ABCA13: variants seen among roughly 807,000 people sequenced by gnomAD.
The protein encoded by ABCA13 is ATP-binding cassette sub-family A member 13.
A neutral mutation model predicts 478.7 loss-of-function variants in ABCA13; 476 were observed. The observed-to-expected ratio is 0.99, with a 90% CI of 0.92 to 1.07. The LOEUF (loss-of-function observed/expected upper bound fraction) is 1.07, where lower values mean the gene tolerates loss of function less well. Among genes scored for constraint, ABCA13 ranks in the 50% least tolerant of loss-of-function variants. The pLI is 0.00. For synonymous variants in ABCA13, 2,252 were observed against 2,158.9 expected (o/e 1.04, Z -1.20); for missense variants, 6,060 against 5,910.6 (o/e 1.03, Z -0.83).
At chr7:48,488,592 T>C (rs1563339914) in intron 47 of ABCA13, among the ~76,000 whole-genome samples, 1 of 152,214 alleles carries the variant, frequency 6.6e-6, no homozygotes, top group Non-Finnish European at 1.5e-5. Flanking sequence ...GGAGTCATCA[T>C]ACTTCTTGAA....
In ABCA13 at chr7:48,350,945, CATAAA is replaced by C; in HGVS notation, c.10381+132_10381+136del. The C allele has an allele frequency of 8.9e-6, 9 of 1,012,914 alleles. No homozygotes were observed. The South Asian group carries it at 1.6e-4, about 18-fold the overall frequency. The allele number at this position is 1,012,914 out of a possible 1,614,324, so 62.7% of individuals were successfully genotyped here. A position where few individuals can be genotyped will look rare whatever the true frequency, so the allele number is the denominator to read the frequency against. ...GAAAAGAAGTCCTTTCCAGATAAAA[CATAAA>C]ATAAAGCAGAACTGTTTACCTTGGA... On this transcript the variant is annotated intron_variant, in intron 30 of 61. Coordinates refer to ENST00000435803, the MANE Select transcript of ABCA13 (RefSeq NM_152701.5).
intron 15 of ABCA13, among the ~76,000 whole-genome samples, chr7:48,265,801 T>C (rs1794795934): frequency 1.3e-5 from 2 of 151,680 alleles, no homozygotes. Context: ...TAATATGGAA[T>C]AGAAATGATG....
chr7:48,418,989 T>C (rs1395519023), intron 41 of ABCA13, among the ~76,000 whole-genome samples: 2 of 152,142 alleles, frequency 1.3e-5, no homozygotes, highest in African/African-American at 4.8e-5. Flanking sequence ...CTTCTGGGGA[T>C]GGAAGGTGGA....
chr7:48,620,046 T>C (rs1011100706), intron 59 of ABCA13, among the ~76,000 whole-genome samples: 3 of 152,084 alleles, frequency 2.0e-5, no homozygotes, highest in African/African-American at 7.2e-5. Context: ...CAGGAGGCAT[T>C]TGCGGGCCTA....
At chr7:48,338,538 C>A (rs1379421856) in intron 29 of ABCA13, 83 bp downstream of exon 29, 5 of 993,248 alleles carry the variant, frequency 5.0e-6, no homozygotes, top group Non-Finnish European at 7.2e-6. Flanking sequence ...TGGGCCATGG[C>A]ATTGCTAGGT....
intron 57 of ABCA13, among the ~76,000 whole-genome samples, chr7:48,588,447 G>T (rs749378387): frequency 6.6e-6 from 1 of 152,184 alleles, no homozygotes; most frequent in Non-Finnish European, 1.5e-5. Flanking sequence ...CTGTAGCCAT[G>T]ACCTGCTCAC....
At chr7:48,518,741 T>G (rs988036136) in intron 52 of ABCA13, among the ~76,000 whole-genome samples, 3 of 152,184 alleles carry the variant, frequency 2.0e-5, no homozygotes, top group Admixed American at 6.6e-5. Flanking sequence ...GTAGCATTAA[T>G]TCTTATAGAA....
chr7:48,355,359 C>G (rs955060704), intron 31 of ABCA13, among the ~76,000 whole-genome samples: 2 of 151,784 alleles, frequency 1.3e-5, no homozygotes, highest in African/African-American at 4.9e-5. Context: ...TAGGAGTGGC[C>G]TAGGGTATGT....
intron 51 of ABCA13, among the ~76,000 whole-genome samples, chr7:48,513,944 A>C (rs1352319987): frequency 6.6e-6 from 1 of 152,164 alleles, no homozygotes; most frequent in Admixed American, 6.6e-5. Flanking sequence ...TTCATTTAGG[A>C]CAATGTCTCT....
intron 56 of ABCA13, among the ~76,000 whole-genome samples, chr7:48,583,040 A>G (rs1788852247): frequency 6.6e-6 from 1 of 152,208 alleles, no homozygotes; most frequent in Non-Finnish European, 1.5e-5. Context: ...GTGTCATACC[A>G]TAACAAACAA....
At chr7:48,468,509 A>G (rs1827135665) in intron 44 of ABCA13, among the ~76,000 whole-genome samples, 1 of 152,248 alleles carries the variant, frequency 6.6e-6, no homozygotes, top group Non-Finnish European at 1.5e-5. Context: ...GAGGAGAGGT[A>G]CATGAAAAGA....
At chr7:48,367,772 T>G in intron 31 of ABCA13, 22 bp from the exon 32 acceptor site, 1 of 1,531,852 alleles carries the variant, frequency 6.5e-7, no homozygotes, top group Non-Finnish European at 8.9e-7. Context: ...CTCCGGATGC[T>G]GACTGAATTA....
intron 1 of ABCA13, among the ~76,000 whole-genome samples, chr7:48,185,733 G>A (rs1402096213): frequency 6.6e-6 from 1 of 151,782 alleles, no homozygotes; most frequent in Non-Finnish European, 1.5e-5. Flanking sequence ...CACTTTTTTT[G>A]ATTAATACTT....
chr7:48,345,404 C>T (rs896267873), intron 29 of ABCA13, among the ~76,000 whole-genome samples: 42 of 151,946 alleles, frequency 2.8e-4, no homozygotes, highest in African/African-American at 9.7e-4. Context: ...GTGTTAGTGC[C>T]CTGAAGACCT....
chr7:48,413,946 G>C lies in ABCA13; in HGVS notation c.12459+1363G>C, dbSNP rs1224210129. Among the ~76,000 whole-genome samples the C allele has an allele frequency of 5.9e-5, 9 of 152,304 alleles. No homozygotes were observed. The East Asian group carries it at 1.5e-3, about 26-fold the overall frequency. On this transcript the variant is annotated intron_variant, in intron 41 of 61. Coordinates refer to ENST00000435803, the MANE Select transcript of ABCA13 (RefSeq NM_152701.5). Reference sequence around the variant, plus strand: ...AAATGGTGAGCTCTACTTAGACCTAGGGTTTCTGATAGTTAGTCAAGTTCT... The same window carrying C: ...AAATGGTGAGCTCTACTTAGACCTACGGTTTCTGATAGTTAGTCAAGTTCT...
At chr7:48,345,454 T>C (rs1401297098) in intron 29 of ABCA13, among the ~76,000 whole-genome samples, 1 of 152,080 alleles carries the variant, frequency 6.6e-6, no homozygotes, top group Non-Finnish European at 1.5e-5. Flanking sequence ...AAAAAAGTGA[T>C]ATTGATGATA....
intron 4 of ABCA13, among the ~76,000 whole-genome samples, chr7:48,220,939 T>TA: frequency 6.6e-6 from 1 of 152,270 alleles, no homozygotes; most frequent in South Asian, 2.1e-4. Context: ...TTTTTCTTTT[T>TA]AAAAAAATTT....
At chr7:48,266,517 A>G (rs1234412446) in intron 15 of ABCA13, among the ~76,000 whole-genome samples, 2 of 151,750 alleles carry the variant, frequency 1.3e-5, no homozygotes, top group African/African-American at 4.8e-5. Flanking sequence ...TCTATTATTA[A>G]CTTCTTAATT....
intron 8 of ABCA13, among the ~76,000 whole-genome samples, chr7:48,237,012 GTTTTTTT>G (rs35078208): frequency 7.6e-6 from 1 of 130,918 alleles, no homozygotes; most frequent in Non-Finnish European, 1.6e-5. Context: ...AGAGGGTAGG[GTTTTTTT>G]TTTTTTTTTT....
Sources: allele counts gnomAD v4.1 joint callset (sites outside exome capture counted in the v4.1 genomes callset), GRCh38; gene constraint gnomAD v4.1.1; transcripts MANE v1.5; gene names NCBI Gene and HGNC (gene_info 2026-07-23, HGNC 2026-07-21).